DOCK3: variants seen among roughly 807,000 people sequenced by gnomAD.
DOCK3 encodes the protein dedicator of cytokinesis protein 3.
A neutral mutation model predicts 265.6 loss-of-function variants in DOCK3; 60 were observed. That is an observed-to-expected ratio of 0.23 (90% CI 0.18 to 0.28). The LOEUF (loss-of-function observed/expected upper bound fraction) is 0.28, where lower values mean the gene tolerates loss of function less well. Among genes scored for constraint, DOCK3 ranks in the 10% least tolerant of loss-of-function variants. The pLI is 1.00. For synonymous variants in DOCK3, 881 were observed against 938.0 expected, an observed-to-expected ratio of 0.94 and a Z score of 1.11; for missense variants, 1,981 against 2,594.3, an observed-to-expected ratio of 0.76 and a Z score of 5.14.
chr3:50,790,711 A>T (rs956534689), intron 2 of DOCK3, among the ~76,000 whole-genome samples: 5 of 152,038 alleles, frequency 3.3e-5, no homozygotes, highest in African/African-American at 1.2e-4. Context: ...ATTTTCCTTT[A>T]TAGGTTACTT....
intron 38 of DOCK3, among the ~76,000 whole-genome samples, chr3:51,347,516 G>A (rs894077234): frequency 3.3e-5 from 5 of 152,176 alleles, no homozygotes; most frequent in African/African-American, 1.2e-4. Context: ...TTTGGTACCG[G>A]TACCATGCTG....
intron 23 of DOCK3, among the ~76,000 whole-genome samples, chr3:51,263,008 C>G (rs1431596812): frequency 6.6e-6 from 1 of 152,258 alleles, no homozygotes; most frequent in East Asian, 1.9e-4. Flanking sequence ...AGGATATTAT[C>G]CAGGAGAACT....
At chr3:51,329,809 GA>G (rs911181761) in intron 32 of DOCK3, among the ~76,000 whole-genome samples, 11 of 152,146 alleles carry the variant, frequency 7.2e-5, no homozygotes, top group African/African-American at 2.2e-4. Flanking sequence ...TTTAAAGGGG[GA>G]AAAAAACATC....
intron 22 of DOCK3, among the ~76,000 whole-genome samples, chr3:51,247,487 AAC>A (rs2078895270): frequency 6.6e-6 from 1 of 152,198 alleles, no homozygotes; most frequent in Non-Finnish European, 1.5e-5. Flanking sequence ...ACAAACAAAA[AAC>A]AGTTTTGCTT....
intron 27 of DOCK3, among the ~76,000 whole-genome samples, chr3:51,292,598 C>T (rs2081846552): frequency 6.6e-6 from 1 of 152,120 alleles, no homozygotes. Flanking sequence ...ATAGTGAGAC[C>T]TCCTCTCTAC....
chr3:50,988,977 C>T (rs61741297), intron 5 of DOCK3, among the ~76,000 whole-genome samples: 4,113 of 152,156 alleles, frequency 0.027, 184 homozygotes, highest in African/African-American at 0.093. Context: ...TTGCCACCCT[C>T]GGACTAAAAA....
intron 5 of DOCK3, among the ~76,000 whole-genome samples, chr3:51,043,019 C>T (rs2080601630): frequency 6.6e-6 from 1 of 152,118 alleles, no homozygotes; most frequent in East Asian, 1.9e-4. Flanking sequence ...GCCATACTGC[C>T]CAAAGCAACT....
intron 35 of DOCK3, among the ~76,000 whole-genome samples, chr3:51,335,119 A>AT (rs1247353905): frequency 6.6e-6 from 1 of 151,802 alleles, no homozygotes; most frequent in African/African-American, 2.4e-5. Context: ...CTCTACATAC[A>AT]TTTTCTCTAA....
chr3:50,992,440 G>A (rs1381858789), intron 5 of DOCK3, among the ~76,000 whole-genome samples: 1 of 152,156 alleles, frequency 6.6e-6, no homozygotes, highest in African/African-American at 2.4e-5. Flanking sequence ...TGGGACTACA[G>A]GCACGTGCCA....
At chr3:50,790,051 A>G (rs1227404724) in intron 2 of DOCK3, among the ~76,000 whole-genome samples, 1 of 152,188 alleles carries the variant, frequency 6.6e-6, no homozygotes, top group Non-Finnish European at 1.5e-5. Flanking sequence ...TCATCATTGT[A>G]TAATATCCCT....
At chr3:51,373,284 G>C (rs1282278649) in intron 49 of DOCK3, among the ~76,000 whole-genome samples, 1 of 152,176 alleles carries the variant, frequency 6.6e-6, no homozygotes, top group Non-Finnish European at 1.5e-5. Flanking sequence ...AGGAGCTGCA[G>C]ATTGACCCCA....
At chr3:51,085,215 A>G (rs1000745170) in intron 7 of DOCK3, among the ~76,000 whole-genome samples, 1 of 152,336 alleles carries the variant, frequency 6.6e-6, no homozygotes, top group African/African-American at 2.4e-5. Context: ...ACAGACCCCA[A>G]TGCATTAATA....
chr3:50,906,741 G>T (rs1456344372), intron 4 of DOCK3, among the ~76,000 whole-genome samples: 2 of 151,894 alleles, frequency 1.3e-5, no homozygotes, highest in South Asian at 2.1e-4. Flanking sequence ...GGGTTTTTTT[G>T]TATCTCTATC....
chr3:50,835,199 TTAATC>T (rs1448060839), intron 2 of DOCK3, among the ~76,000 whole-genome samples: 5 of 152,208 alleles, frequency 3.3e-5, no homozygotes, highest in Admixed American at 1.3e-4. Context: ...ATTTAACCCT[TTAATC>T]TAGGCAAAAT....
intron 5 of DOCK3, among the ~76,000 whole-genome samples, chr3:51,002,603 T>C (rs898704473): frequency 1.3e-5 from 2 of 152,226 alleles, no homozygotes; most frequent in Non-Finnish European, 2.9e-5. Flanking sequence ...TTATGTAAGG[T>C]TCAAGGTTTA....
chr3:51,271,056 C>T, intron 24 of DOCK3, 49 bp downstream of exon 24: 1 of 1,563,094 alleles, frequency 6.4e-7, no homozygotes, highest in Non-Finnish European at 8.7e-7. Flanking sequence ...GGGTGTCCTC[C>T]TTCCTTCCAG....
At chr3:50,772,185 C>A (rs1221704421) in intron 1 of DOCK3, among the ~76,000 whole-genome samples, 2 of 151,582 alleles carry the variant, frequency 1.3e-5, no homozygotes, top group Non-Finnish European at 3.0e-5. Context: ...GTGAAATAAA[C>A]CAGGCACAGA....
chr3:50,712,667 C>T (rs1316034697), intron 1 of DOCK3, among the ~76,000 whole-genome samples: 2 of 152,182 alleles, frequency 1.3e-5, no homozygotes, highest in Non-Finnish European at 2.9e-5. Context: ...AGGTGGTAGT[C>T]TCATTTTTAT....
intron 32 of DOCK3, among the ~76,000 whole-genome samples, chr3:51,319,894 C>T (rs764517096): frequency 6.6e-5 from 10 of 151,602 alleles, no homozygotes; most frequent in East Asian, 3.9e-4. Flanking sequence ...AACAAAAAAA[C>T]GCAATAGCTA....
Sources: allele counts gnomAD v4.1 joint callset (sites outside exome capture counted in the v4.1 genomes callset), GRCh38; gene constraint gnomAD v4.1.1; transcripts MANE v1.5; gene names NCBI Gene and HGNC (gene_info 2026-07-23, HGNC 2026-07-21).